Variants in RDX observed in about 807,000 individuals in gnomAD.
The protein encoded by RDX is radixin.
In RDX, 32 loss-of-function variants were observed where a neutral mutation model predicts 83.7. That is an observed-to-expected ratio of 0.38 (90% confidence interval 0.29 to 0.51). RDX has a LOEUF of 0.51. Among genes scored for constraint, RDX ranks in the 20% least tolerant of loss-of-function variants. The probability of loss-of-function intolerance (pLI) is 0.87; values close to 1 mark genes in which losing one functional copy is unlikely to be tolerated. For missense variants in RDX, 600 were observed against 689.9 expected, an observed-to-expected ratio of 0.87 and a Z score of 1.46; for synonymous variants, 229 against 222.7, an observed-to-expected ratio of 1.03 and a Z score of -0.25.
intron 15 of RDX, among the ~76,000 whole-genome samples, chr11:110,192,793 C>T (rs2134228105): frequency 6.6e-6 from 1 of 151,634 alleles, no homozygotes; most frequent in South Asian, 2.1e-4. Flanking sequence ...CAGAGAAATG[C>T]AAATCAAAAC....
intron 9 of RDX, among the ~76,000 whole-genome samples, chr11:110,252,169 C>T (rs763127568): frequency 6.6e-6 from 1 of 152,158 alleles, no homozygotes; most frequent in Non-Finnish European, 1.5e-5. Context: ...TGAATTCCAA[C>T]TGAGTATAAA....
At chr11:110,246,185 C>A (rs12802876) in intron 10 of RDX, among the ~76,000 whole-genome samples, 3 of 152,102 alleles carry the variant, frequency 2.0e-5, no homozygotes, top group Non-Finnish European at 4.4e-5. Flanking sequence ...CATGAGCCAC[C>A]GCACCCAGCC....
intron 15 of RDX, among the ~76,000 whole-genome samples, chr11:110,178,140 G>A (rs1414039666): frequency 4.1e-4 from 63 of 152,054 alleles, no homozygotes. Flanking sequence ...CCTCTGCCAG[G>A]GATAACCTCC....
At chr11:110,238,309 T>C (rs531363533) in intron 10 of RDX, among the ~76,000 whole-genome samples, 4 of 152,352 alleles carry the variant, frequency 2.6e-5, no homozygotes, top group Admixed American at 6.5e-5. Flanking sequence ...TTTTAATCCT[T>C]AGGTGCATAG....
At chr11:110,258,968 T>C (rs1859678420) in intron 5 of RDX, among the ~76,000 whole-genome samples, 1 of 147,640 alleles carries the variant, frequency 6.8e-6, no homozygotes, top group Non-Finnish European at 1.5e-5. Flanking sequence ...GCTTCCTGGG[T>C]TCAAGTGATT....
intron 14 of RDX, among the ~76,000 whole-genome samples, chr11:110,214,267 A>T (rs1291977550): frequency 7.1e-6 from 1 of 141,512 alleles, no homozygotes; most frequent in African/African-American, 2.6e-5. Context: ...CCATCAGAGA[A>T]ATGCAAATCA....
chr11:110,270,382 T>C (rs943391636), intron 3 of RDX, among the ~76,000 whole-genome samples: 5 of 152,118 alleles, frequency 3.3e-5, no homozygotes, highest in Admixed American at 1.3e-4. Context: ...TATCTAAACA[T>C]AGAAAAGGTA....
At chr11:110,238,939 A>AAAAAC (rs1565308745) in intron 10 of RDX, among the ~76,000 whole-genome samples, 1 of 144,934 alleles carries the variant, frequency 6.9e-6, no homozygotes, top group Non-Finnish European at 1.5e-5. Context: ...AAAAAAAAAA[A>AAAAAC]AAACAAAAAA....
At chr11:110,179,098 C>T (rs1474727908) in intron 15 of RDX, among the ~76,000 whole-genome samples, 2 of 152,120 alleles carry the variant, frequency 1.3e-5, no homozygotes, top group Admixed American at 6.6e-5. Context: ...AGGGGTTCAG[C>T]CAGGGGGAAG....
rs753424624 is a variant in RDX at position 110,289,238 on chromosome 11, CAAAAAAA to C, written c.-65+7222_-65+7228del. On this transcript the variant is annotated intron_variant, in intron 1 of 13. Coordinates refer to ENST00000645495, the MANE Select transcript of RDX (RefSeq NM_002906.4). ...CGGCAACAAGAGCAAAACTCTATCT[CAAAAAAA>C]AAAAAAAAAAAAAAAACTTTTTACA... Among the ~76,000 whole-genome samples the C allele has an allele frequency of 2.6e-3, 140 of 54,362 alleles. 1 individual carries two copies. The highest frequency in any genetic ancestry group is 7.1e-3 in the African/African-American group (113 of 15,884). The allele number at this position is 54,362 out of a possible 152,430, so 35.7% of individuals were successfully genotyped here. A position where few individuals can be genotyped will look rare whatever the true frequency, so the allele number is the denominator to read the frequency against.
intron 14 of RDX, among the ~76,000 whole-genome samples, chr11:110,207,805 C>A (rs995611215): frequency 5.3e-5 from 8 of 152,194 alleles, no homozygotes; most frequent in African/African-American, 1.9e-4. Context: ...CCTGCAAAGT[C>A]CAAAATGTTT....
chr11:110,264,027 A>G lies in RDX; in HGVS notation c.400T>C (p.Tyr134His), dbSNP rs777285617. Residue 134 changes from tyrosine (Y) to histidine (H), a missense_variant, in exon 5 of 14, where the codon TAT becomes CAT. Physicochemically the swap from Tyr to His is moderately conservative, Grantham distance 83 (BLOSUM62 2). Transcript: ENST00000645495. The part of the protein sequence containing the change: ...LLASYAVQAK[Y>H]GDYNKEIHKP... ...TGAATCTCTTTATTGTAATCTCCAT[A>G]CTTGGCTTGGACAGCATAGGAAGCC... 1.2e-6 allele frequency: 2 copies of G among 1,613,504 alleles called. No homozygotes were observed. The highest frequency in any genetic ancestry group is 1.7e-6 in the Non-Finnish European group (2 of 1,179,506).
intron 9 of RDX, among the ~76,000 whole-genome samples, chr11:110,252,123 T>C (rs1356104019): frequency 6.6e-6 from 1 of 152,224 alleles, no homozygotes; most frequent in Non-Finnish European, 1.5e-5. Flanking sequence ...ACTAGAATAA[T>C]ATATCTCCTA....
intron 10 of RDX, among the ~76,000 whole-genome samples, chr11:110,238,783 G>A (rs1864961760): frequency 6.6e-6 from 1 of 151,790 alleles, no homozygotes; most frequent in Non-Finnish European, 1.5e-5. Context: ...AATTAGCCAG[G>A]CATGGTGATG....
At position 110,295,641 on chromosome 11, in the gene RDX, T is replaced by C. The variant is rs57550683; in HGVS notation, c.-65+826A>G. On this transcript the variant is annotated intron_variant, in intron 1 of 13. Transcript: ENST00000645495. ...AGGAAGTGATGTAGTCTGTTTAAAC[T>C]GAAAAAAAAAAAAAAACAAAAATGC... Among the ~76,000 whole-genome samples, 187 of 62,284 alleles carry C rather than the reference T, an allele frequency of 3.0e-3. 1 individual carries two copies. The highest frequency in any genetic ancestry group is 0.01 in the African/African-American group (170 of 16,638). 40.9% of individuals were successfully genotyped at this position (62,284 alleles called of 152,430 possible). A position where few individuals can be genotyped will look rare whatever the true frequency, so the allele number is the denominator to read the frequency against.
chr11:110,209,262 A>T (rs1171590298), intron 14 of RDX, among the ~76,000 whole-genome samples: 1 of 151,904 alleles, frequency 6.6e-6, no homozygotes. Context: ...CTCCCACCCG[A>T]ATACTGCGCT....
At chr11:110,254,263 G>A (rs1367001456) in intron 8 of RDX, among the ~76,000 whole-genome samples, 154 bp from the exon 9 acceptor site, 2 of 152,164 alleles carry the variant, frequency 1.3e-5, no homozygotes, top group African/African-American at 4.8e-5. Context: ...CTCCCAGTGA[G>A]CATGACATAC....
chr11:110,276,795 T>C (rs900279359), intron 2 of RDX, among the ~76,000 whole-genome samples: 3 of 152,228 alleles, frequency 2.0e-5, no homozygotes, highest in African/African-American at 7.2e-5. Context: ...TTCCATAATT[T>C]TGACATCCTA....
Position 110,264,805 on chromosome 11 carries a change from A to G in RDX, c.166T>C (p.Ser56Pro), listed in dbSNP as rs1292861284. ...GLQYVDSKGY[S>P]TWLKLNKKVT... ...TTTTTATTTAGTTTAAGCCATGTAG[A>G]ATAACCTTTGCTGTCTACATACTGC... is the stretch of plus-strand genomic sequence containing the variant. The change falls in exon 4 of 14, where the codon TCT (serine) becomes CCT (proline). Residue 56 changes from serine to proline, a missense_variant. Ser to Pro is a moderately conservative substitution (Grantham distance 74). Transcript: ENST00000645495. 2 of 1,613,348 alleles carry G rather than the reference A, an allele frequency of 1.2e-6. No homozygotes were observed. The highest frequency in any genetic ancestry group is 3.3e-5 in the Admixed American group (2 of 60,014).
Sources: allele counts gnomAD v4.1 joint callset (sites outside exome capture counted in the v4.1 genomes callset), GRCh38; gene constraint gnomAD v4.1.1; transcripts MANE v1.5; gene names NCBI Gene and HGNC (gene_info 2026-07-23, HGNC 2026-07-21).